SNX29: variants seen among roughly 807,000 people sequenced by gnomAD.
SNX29 encodes sorting nexin-29.
SNX29 carries 78 observed loss-of-function variants against 102.1 expected under a neutral mutation model. That is an observed-to-expected ratio of 0.76 (90% CI 0.64 to 0.92). The LOEUF is 0.92. Ranked by LOEUF, SNX29 falls within the 40% of genes least tolerant of loss-of-function variation. The probability of loss-of-function intolerance (pLI) is 0.00; values close to 1 mark genes in which losing one functional copy is unlikely to be tolerated. For missense variants in SNX29, 1,280 were observed against 1,061.7 expected, an observed-to-expected ratio of 1.21 and a Z score of -2.86; for synonymous variants, 580 against 414.5, an observed-to-expected ratio of 1.40 and a Z score of -4.85.
chr16:12,322,841 C>CACTAGGGGACCACTGTCAGGATGT (rs1567437178), intron 15 of SNX29, among the ~76,000 whole-genome samples: 941 of 47,050 alleles, frequency 0.02, 32 homozygotes, highest in African/African-American at 0.074. Context: ...TGTCAGGATG[C>CACTAGGGGACCACTGTCAGGATGT]GGTCACTAGG....
At chr16:12,568,318 T>G (rs1018237413) in intron 20 of SNX29, among the ~76,000 whole-genome samples, 188 bp from the exon 21 acceptor site, 15 of 89,102 alleles carry the variant, frequency 1.7e-4, no homozygotes, top group East Asian at 3.9e-4. Context: ...AAAAAAAAAA[T>G]GGAAAGGTTT....
chr16:12,384,256 C>T (rs1269521336), intron 16 of SNX29, among the ~76,000 whole-genome samples: 1 of 152,138 alleles, frequency 6.6e-6, no homozygotes, highest in Non-Finnish European at 1.5e-5. Flanking sequence ...ATTGCTGGAT[C>T]ATATGGTAGC....
At chr16:12,053,549 A>G (rs1225323230) in intron 8 of SNX29, among the ~76,000 whole-genome samples, 4 of 152,146 alleles carry the variant, frequency 2.6e-5, no homozygotes, top group African/African-American at 9.7e-5. Context: ...TAAAAAGTAT[A>G]AAATGAATAT....
At chr16:12,419,446 C>G (rs967295610) in intron 18 of SNX29, among the ~76,000 whole-genome samples, 46 of 152,198 alleles carry the variant, frequency 3.0e-4, no homozygotes, top group African/African-American at 1.1e-3. Flanking sequence ...CTCTTGGTTG[C>G]GGGAGGAGGA....
In SNX29 at chr16:12,027,420, G is replaced by T; in HGVS notation, c.223G>T (p.Gly75Cys). 5 of 1,614,066 alleles carry T rather than the reference G, an allele frequency of 3.1e-6. No individual in the cohort carries two copies. Among genetic ancestry groups the T allele is most frequent in the Non-Finnish European group, 4.2e-6 (5 of 1,179,982 alleles). Residue 75 changes from glycine to cysteine, a missense_variant, in exon 4 of 21, where the codon GGC becomes TGC. Coordinates refer to ENST00000566228, the MANE Select transcript of SNX29 (RefSeq NM_032167.5). ...AGCGGCAGCGATCAAGCAGGCAGCG[G>T]GCTTTGCCAGCAAAACCGAAACAGG... ...LTAAAIKQAA[G>C]FASKTETEPV... is the part of the protein sequence containing the mutation.
At chr16:12,009,261 G>T (rs887707586) in intron 3 of SNX29, among the ~76,000 whole-genome samples, 1 of 152,170 alleles carries the variant, frequency 6.6e-6, no homozygotes, top group African/African-American at 2.4e-5. Flanking sequence ...GTAATGTTTC[G>T]AGTAGAGACA....
intron 13 of SNX29, among the ~76,000 whole-genome samples, chr16:12,159,223 C>A (rs975623211): frequency 6.6e-6 from 1 of 152,210 alleles, no homozygotes; most frequent in African/African-American, 2.4e-5. Context: ...ATCTCTCTGC[C>A]TAATCCCTAG....
In SNX29 at chr16:12,051,855, T is replaced by C. The variant is rs2050318169; in HGVS notation, c.757T>C (p.Cys253Arg). ...VSRNVSADAK[C>R]KKERKKKKKV... is the part of the protein sequence containing the mutation. ...TTTTTTTTTTTTGCCAGATGCCAAA[T>C]GCAAAAAGGAGCGGAAGAAGAAAAA... is the stretch of plus-strand genomic sequence containing the variant. Residue 253 changes from cysteine (C) to arginine (R), a missense_variant, in exon 8 of 21, where the codon TGC (cysteine) becomes CGC (arginine). Transcript: ENST00000566228. 6.2e-7 allele frequency: 1 copy of C among 1,602,086 alleles called. No individual in the cohort carries two copies. Among genetic ancestry groups the C allele is most frequent in the Non-Finnish European group, 8.5e-7 (1 of 1,177,058 alleles).
chr16:12,530,406 A>G (rs185559530), intron 20 of SNX29, among the ~76,000 whole-genome samples: 1 of 152,172 alleles, frequency 6.6e-6, no homozygotes, highest in Admixed American at 6.5e-5. Context: ...TACAGAAAGA[A>G]GATGAGGAAG....
chr16:12,078,653 C>T (rs1447530142), intron 10 of SNX29, among the ~76,000 whole-genome samples, 180 bp from the exon 11 acceptor site: 5 of 152,134 alleles, frequency 3.3e-5, no homozygotes, highest in African/African-American at 4.8e-5. Flanking sequence ...AATTTTAGTG[C>T]GTAGATGAAT....
intron 20 of SNX29, chr16:12,545,740 G>C (rs1220414097): frequency 1.3e-5 from 2 of 152,240 alleles, no homozygotes; most frequent in African/African-American, 4.8e-5. Flanking sequence ...GAAGCCTTCA[G>C]ATTTTAACCT....
At chr16:12,010,380 G>C (rs564044555) in intron 3 of SNX29, among the ~76,000 whole-genome samples, 1 of 152,246 alleles carries the variant, frequency 6.6e-6, no homozygotes, top group South Asian at 2.1e-4. Context: ...CAAGCCCTTT[G>C]AGAGGCCAAG....
intron 20 of SNX29, among the ~76,000 whole-genome samples, chr16:12,541,803 G>A (rs979402397): frequency 1.1e-4 from 17 of 152,112 alleles, no homozygotes; most frequent in African/African-American, 3.1e-4. Flanking sequence ...AAGGTTCAGA[G>A]GGCAGGAACC....
chr16:12,532,961 G>C (rs964910889), intron 20 of SNX29, among the ~76,000 whole-genome samples: 2 of 152,250 alleles, frequency 1.3e-5, no homozygotes, highest in Non-Finnish European at 2.9e-5. Flanking sequence ...GACCCAGGGA[G>C]CGGGTGGCGC....
intron 14 of SNX29, among the ~76,000 whole-genome samples, chr16:12,248,714 C>T (rs2078334917): frequency 6.6e-6 from 1 of 151,870 alleles, no homozygotes; most frequent in Non-Finnish European, 1.5e-5. Context: ...CGCACCCAGC[C>T]AGGTTTCTGC....
rs1596986616 is a variant in SNX29 at position 12,126,562 on chromosome 16, C to T, written c.1403-71C>T. 7 of 1,492,810 alleles carry T rather than the reference C, an allele frequency of 4.7e-6. No homozygotes were observed. In the East Asian group the frequency reaches 1.4e-4, roughly 29 times the overall value. 92.5% of individuals were successfully genotyped at this position (1,492,810 alleles called of 1,614,324 possible). On this transcript the variant is annotated intron_variant, in intron 11 of 20. Transcript: ENST00000566228. ...CAAGTCATCCTTAATAGCATATAAT[C>T]CAGAGAGGTGAGGGCATGCTGTAAC... is the stretch of plus-strand genomic sequence containing the variant.
chr16:12,393,073 A>G (rs1260302603), intron 16 of SNX29, among the ~76,000 whole-genome samples: 2 of 152,226 alleles, frequency 1.3e-5, no homozygotes, highest in African/African-American at 4.8e-5. Flanking sequence ...GGGAGAGCTA[A>G]TTGCATAAGG....
rs540601937 is a variant in SNX29 at position 12,150,638 on chromosome 16, C to T, written c.1595+20880C>T. ...CAGCGTCTAATGAGCTAATTTTTGT[C>T]CAGTGATCACATCTTGAGATAGTGT... On this transcript the variant is annotated intron_variant, in intron 13 of 20. Transcript: ENST00000566228. Among the ~76,000 whole-genome samples the T allele has an allele frequency of 4.6e-5, 7 of 152,276 alleles. No individual in the cohort carries two copies. The South Asian group carries it at 1.4e-3, about 32-fold the overall frequency.
intron 19 of SNX29, among the ~76,000 whole-genome samples, chr16:12,520,756 A>C (rs2090066899): frequency 7.7e-6 from 1 of 129,644 alleles, no homozygotes; most frequent in Non-Finnish European, 1.5e-5. Context: ...ATGGGCATGC[A>C]AATACATACA....
Sources: gnomAD v4.1 joint callset for allele counts (sites outside exome capture counted in the v4.1 genomes callset) on GRCh38, gnomAD v4.1.1 for gene constraint, MANE v1.5 for transcripts, NCBI Gene and HGNC (gene_info 2026-07-23, HGNC 2026-07-21) for gene names.